SCGB2A1: variants seen among roughly 807,000 people sequenced by gnomAD.
SCGB2A1 encodes the protein mammaglobin-B.
SCGB2A1 carries 6 observed loss-of-function variants against 9.2 expected under a neutral mutation model. The observed-to-expected ratio is 0.66, with a 90% CI of 0.36 to 1.29. The LOEUF (loss-of-function observed/expected upper bound fraction) is 1.29, where lower values mean the gene tolerates loss of function less well. SCGB2A1 is among the 50% of genes most tolerant of loss of function. The pLI, the probability that SCGB2A1 is intolerant of heterozygous loss-of-function variation, is 0.03. For missense variants in SCGB2A1, 138 were observed against 116.9 expected, an observed-to-expected ratio of 1.18 and a Z score of -0.83; for synonymous variants, 37 against 41.0, an observed-to-expected ratio of 0.90 and a Z score of 0.37.
chr11:62,213,081 CATATATACACATAT>C (rs1944849932), intron 2 of SCGB2A1, among the ~76,000 whole-genome samples: 1 of 23,390 alleles, frequency 4.3e-5, no homozygotes, highest in African/African-American at 6.0e-5. Flanking sequence ...CATATATACA[CATATATACACATAT>C]ATATATATAT....
Position 62,210,595 on chromosome 11 carries a change from A to G in SCGB2A1, c.238A>G (p.Met80Val), listed in dbSNP as rs1173959673. The change falls in exon 2 of 3, where the codon ATG becomes GTG. Residue 80 changes from methionine (M) to valine (V), a missense_variant. By Grantham distance (21) the Met-to-Val change is conservative. Transcript: ENST00000244930. ...SHRTLKNFGLMMHTVYDSIWC... is the reference protein window; with the variant it reads ...SHRTLKNFGLVMHTVYDSIWC... ...TAGAACTCTGAAAAACTTTGGACTG[A>G]TGATGGTAATTTGGGTTTCTTCTTA... 1 of 1,537,598 alleles carries G rather than the reference A, an allele frequency of 6.5e-7. No individual in the cohort carries two copies. The highest frequency in any genetic ancestry group is 8.7e-7 in the Non-Finnish European group (1 of 1,151,334).
chr11:62,210,922 CA>C (rs1229419714), intron 2 of SCGB2A1, among the ~76,000 whole-genome samples: 5 of 110,390 alleles, frequency 4.5e-5, no homozygotes, highest in Admixed American at 2.4e-4. Flanking sequence ...CAGGCATCGG[CA>C]TTTTTTTTTT....
chr11:62,212,076 C>T (rs1484950972), intron 2 of SCGB2A1, among the ~76,000 whole-genome samples: 6 of 151,514 alleles, frequency 4.0e-5, no homozygotes. Context: ...GCACACAACA[C>T]CACAGCCTGC....
intron 1 of SCGB2A1, 78 bp from the exon 2 acceptor site, chr11:62,210,335 A>G (rs1944818413): frequency 6.7e-7 from 1 of 1,502,856 alleles, no homozygotes; most frequent in African/African-American, 1.4e-5. Flanking sequence ...CAGCTTCCCA[A>G]TTCATCTGTA....
At chr11:62,209,705 C>G (rs1944813164) in intron 1 of SCGB2A1, among the ~76,000 whole-genome samples, 1 of 151,702 alleles carries the variant, frequency 6.6e-6, no homozygotes, top group African/African-American at 2.4e-5. Context: ...CTCTGTCACC[C>G]AGGCTGGGAC....
At chr11:62,210,273 T>C (rs1188126872) in intron 1 of SCGB2A1, 140 bp from the exon 2 acceptor site, 2 of 1,028,828 alleles carry the variant, frequency 1.9e-6, no homozygotes, top group Non-Finnish European at 2.7e-6. Flanking sequence ...CTCTGCATAC[T>C]GCACCAAAAT....
chr11:62,212,455 T>C (rs1944838148), intron 2 of SCGB2A1, among the ~76,000 whole-genome samples: 2 of 151,374 alleles, frequency 1.3e-5, no homozygotes, highest in Admixed American at 6.6e-5. Flanking sequence ...GCCAACATGC[T>C]GAAACCCTGT....
At chr11:62,213,453 G>A (rs1944855199) in intron 2 of SCGB2A1, 1 of 368,766 alleles carries the variant, frequency 2.7e-6, no homozygotes, top group Non-Finnish European at 4.9e-6. Flanking sequence ...TATTGGATAA[G>A]TTATTTCAAA....
At chr11:62,213,001 T>C (rs1046156677) in intron 2 of SCGB2A1, among the ~76,000 whole-genome samples, 5 of 96,812 alleles carry the variant, frequency 5.2e-5, no homozygotes, top group African/African-American at 1.3e-4. Context: ...TGCATATATG[T>C]ACACATATAT....
intron 2 of SCGB2A1, among the ~76,000 whole-genome samples, chr11:62,213,255 G>A (rs542998266): frequency 2.0e-5 from 3 of 151,860 alleles, no homozygotes; most frequent in South Asian, 4.2e-4. Context: ...TATTTCATAG[G>A]CCTCAAAGGT....
chr11:62,208,674 C>G lies in SCGB2A1; in HGVS notation c.-58C>G. The G allele has an allele frequency of 6.3e-7, 1 of 1,582,194 alleles. No individual in the cohort carries two copies. The highest frequency in any genetic ancestry group is 8.7e-7 in the Non-Finnish European group (1 of 1,153,166). Reference sequence around the variant, plus strand: ...GAGCAGGGCTGGGTACTCACCTCCACAGCAACTTCCTTGATCCCTGCCACG... The same window carrying G: ...GAGCAGGGCTGGGTACTCACCTCCAGAGCAACTTCCTTGATCCCTGCCACG... On this transcript the variant is annotated 5_prime_UTR_variant, in exon 1 of 3. Transcript: ENST00000244930.
intron 1 of SCGB2A1, among the ~76,000 whole-genome samples, chr11:62,209,952 G>A (rs1433979937): frequency 1.3e-5 from 2 of 152,152 alleles, no homozygotes; most frequent in Non-Finnish European, 2.9e-5. Context: ...TGGGATTACA[G>A]GCGTGAGCCA....
intron 2 of SCGB2A1, among the ~76,000 whole-genome samples, chr11:62,211,324 A>C (rs999604416): frequency 7.3e-6 from 1 of 136,272 alleles, no homozygotes. Flanking sequence ...CACAAAAACA[A>C]ATATTCAAAA....
intron 2 of SCGB2A1, 73 bp from the exon 3 acceptor site, chr11:62,213,653 A>G: frequency 6.9e-7 from 1 of 1,452,460 alleles, no homozygotes; most frequent in South Asian, 1.2e-5. Context: ...GCAAGAAAAC[A>G]AGAAGACAAG....
intron 1 of SCGB2A1, 138 bp from the exon 2 acceptor site, chr11:62,210,275 C>G: frequency 9.5e-7 from 1 of 1,048,986 alleles, no homozygotes; most frequent in Non-Finnish European, 1.3e-6. Context: ...CTGCATACTG[C>G]ACCAAAATCT....
Position 62,213,708 on chromosome 11 carries a change from C to T in SCGB2A1, c.244-18C>T. ...AAGTGAAATTTGCAAACCTAAGTGA[C>T]CTGCTTTTGTTTTCCAGCATACAGT... On this transcript the variant is annotated intron_variant, in intron 2 of 2. Coordinates refer to ENST00000244930, the MANE Select transcript of SCGB2A1 (RefSeq NM_002407.3). The T allele has an allele frequency of 7.5e-6, 12 of 1,605,154 alleles. No individual in the cohort carries two copies. The highest frequency in any genetic ancestry group is 1.0e-5 in the Non-Finnish European group (12 of 1,177,598).
Position 62,213,106 on chromosome 11 carries a change from A to ATATATATT in SCGB2A1, c.244-619_244-618insATATATTT, listed in dbSNP as rs67975205. 5.0e-3 allele frequency among the ~76,000 whole-genome samples: 578 copies of ATATATATT among 116,224 alleles called. 43 individuals are homozygous for ATATATATT. Among genetic ancestry groups the ATATATATT allele is most frequent in the East Asian group, 0.014 (57 of 4,142 alleles). The allele number at this position is 116,224 out of a possible 152,430, so 76.2% of individuals were successfully genotyped here. On this transcript the variant is annotated intron_variant, in intron 2 of 2. Transcript: ENST00000244930. The stretch of plus-strand genomic sequence containing the variant: ...CATATATACACATATATATATATAT[A>ATATATATT]TTTTTTTTTTTGTAGAGATGGCATT...
chr11:62,213,055 TATA>T (rs1421565017), intron 2 of SCGB2A1, among the ~76,000 whole-genome samples: 1 of 41,214 alleles, frequency 2.4e-5, no homozygotes, highest in Non-Finnish European at 5.9e-5. Context: ...TATATACACA[TATA>T]TACACATATA....
Position 62,212,636 on chromosome 11 carries a change from AAAAC to A in SCGB2A1, c.244-1074_244-1071del, listed in dbSNP as rs940193390. Among the ~76,000 whole-genome samples, 44 of 152,242 alleles carry A rather than the reference AAAAC, an allele frequency of 2.9e-4. 1 individual carries two copies. Among genetic ancestry groups the A allele is most frequent in the Admixed American group, 2.5e-3 (38 of 15,294 alleles). ...GGCAACAGAGTAAGACTCCATCTCA[AAAAC>A]AAACAAACAAACAAAAATCCTAAAC... On this transcript the variant is annotated intron_variant, in intron 2 of 2. Transcript: ENST00000244930.
Sources: allele counts gnomAD v4.1 joint callset (sites outside exome capture counted in the v4.1 genomes callset), GRCh38; gene constraint gnomAD v4.1.1; transcripts MANE v1.5; gene names NCBI Gene and HGNC (gene_info 2026-07-23, HGNC 2026-07-21).